NAA16: variants seen among roughly 807,000 people sequenced by gnomAD.
The protein encoded by NAA16 is N-alpha-acetyltransferase 16, NatA auxiliary subunit, also known as NARG1-like protein.
Under a neutral mutation model 110.3 loss-of-function variants are expected in NAA16, and 97 were observed. That is an observed-to-expected ratio of 0.88 (90% CI 0.75 to 1.04). NAA16 has a LOEUF of 1.04. Among genes scored for constraint, NAA16 ranks in the 50% least tolerant of loss-of-function variants. The probability of loss-of-function intolerance (pLI) is 0.00; values close to 1 mark genes in which losing one functional copy is unlikely to be tolerated. For missense variants in NAA16, 1,017 were observed against 1,005.1 expected (o/e 1.01, Z -0.16); for synonymous variants, 372 against 330.6 (o/e 1.13, Z -1.36).
In NAA16 at chr13:41,336,642, G is replaced by C. The variant is rs1268929120; in HGVS notation, c.908-8G>C. 2.0e-6 allele frequency: 3 copies of C among 1,505,138 alleles called. No individual in the cohort carries two copies. Among genetic ancestry groups the C allele is most frequent in the East Asian group, 2.3e-5 (1 of 43,522 alleles). 93.2% of individuals were successfully genotyped at this position (1,505,138 alleles called of 1,614,324 possible). A position where few individuals can be genotyped will look rare whatever the true frequency, so the allele number is the denominator to read the frequency against. ...CCAAAGAATAACAAAGTACGCTTTT[G>C]TTTCTAGGTGAAAGATTTAGAGAAC... is the stretch of plus-strand genomic sequence containing the variant. On this transcript the variant is annotated splice_polypyrimidine_tract_variant and splice_region_variant and intron_variant, in intron 8 of 19. Transcript: ENST00000379406.
chr13:41,374,773 A>C lies in NAA16; in HGVS notation c.2331A>C (p.Ser777=). The C allele has an allele frequency of 6.2e-7, 1 of 1,612,790 alleles. No homozygotes were observed. Among genetic ancestry groups the C allele is most frequent in the Non-Finnish European group, 8.5e-7 (1 of 1,179,200 alleles). Reference sequence around the variant, plus strand: ...AAATGATGTATTTTCTGGACAAGTCAAGGCAGGAGAAAGCAATTGCTATAG... The same window carrying C: ...AAATGATGTATTTTCTGGACAAGTCCAGGCAGGAGAAAGCAATTGCTATAG... ...GAKMMYFLDK[S]RQEKAIAIAT... Residue 777 remains serine (S), a synonymous_variant, in exon 19 of 20, where the codon TCA becomes TCC. Transcript: ENST00000379406.
At chr13:41,359,429 C>T (rs1160536361) in intron 12 of NAA16, among the ~76,000 whole-genome samples, 1 of 152,148 alleles carries the variant, frequency 6.6e-6, no homozygotes, top group African/African-American at 2.4e-5. Context: ...ATCCCTTTTC[C>T]CTCCTTCACC....
rs771579911 is a variant in NAA16 at position 41,362,215 on chromosome 13, A to G, written c.1539+56A>G. On this transcript the variant is annotated intron_variant, in intron 13 of 19. Transcript: ENST00000379406. ...CACTGTAAGGTGATAAAAAGCAGGT[A>G]GATTTCTACACAGGATCATCTGCCT... 9.8e-6 allele frequency: 15 copies of G among 1,535,420 alleles called. No homozygotes were observed. The African/African-American group carries it at 2.0e-4, about 20-fold the overall frequency.
chr13:41,323,203 A>G lies in NAA16; in HGVS notation c.537+13A>G. ...ACAAACTCAGCAAGTAAGAATTTTA[A>G]TGTTTCCTTCTACCTTCATAAATGG... On this transcript the variant is annotated intron_variant, in intron 5 of 19. Transcript: ENST00000379406. 1 of 1,612,658 alleles carries G rather than the reference A, an allele frequency of 6.2e-7. No homozygotes were observed. The highest frequency in any genetic ancestry group is 1.7e-4 in the Middle Eastern group (1 of 6,060).
rs1397714388 is a variant in NAA16, at chr13:41,375,699, T to C, written c.*97T>C. ...TTTAATATACGTATGAAATGAAATATTTGGTTAGGATTTTTAAATGGCATA... is the reference window on the plus strand; with the variant it reads ...TTTAATATACGTATGAAATGAAATACTTGGTTAGGATTTTTAAATGGCATA... On this transcript the variant is annotated 3_prime_UTR_variant, in exon 20 of 20. Coordinates refer to ENST00000379406, the MANE Select transcript of NAA16 (RefSeq NM_024561.5). 1.0e-4 allele frequency: 98 copies of C among 934,964 alleles called. No homozygotes were observed. The highest frequency in any genetic ancestry group is 4.7e-6 in the Non-Finnish European group (3 of 634,720). The allele number at this position is 934,964 out of a possible 1,614,324, so 57.9% of individuals were successfully genotyped here.
intron 5 of NAA16, 70 bp from the exon 6 acceptor site, chr13:41,325,628 A>G: frequency 1.0e-6 from 1 of 957,558 alleles, no homozygotes; most frequent in Non-Finnish European, 1.5e-6. Flanking sequence ...CTGAGAAGGC[A>G]GTTTAATTAA....
intron 10 of NAA16, 108 bp downstream of exon 10, chr13:41,355,324 A>C (rs999226196): frequency 1.6e-6 from 1 of 627,284 alleles, no homozygotes; most frequent in African/African-American, 1.9e-5. Context: ...GCTACTTAAT[A>C]AATGGCTTTC....
At chr13:41,356,168 T>C (rs1441208079) in intron 10 of NAA16, among the ~76,000 whole-genome samples, 1 of 151,904 alleles carries the variant, frequency 6.6e-6, no homozygotes, top group Non-Finnish European at 1.5e-5. Flanking sequence ...TGTGTGTGTG[T>C]GTGCATACGC....
rs1405552377 is a variant in NAA16 at position 41,362,139 on chromosome 13, A to C, written c.1519A>C (p.Lys507Gln). 1 of 1,605,888 alleles carries C rather than the reference A, an allele frequency of 6.2e-7. No homozygotes were observed. Among genetic ancestry groups the C allele is most frequent in the Non-Finnish European group, 8.5e-7 (1 of 1,177,304 alleles). The stretch of plus-strand genomic sequence containing the variant: ...GGGGAGATACGGGGATGCCTTGAAA[A>C]AATGTCATGAAGTAGAAAGGGTAAG... ...RLGRYGDALKKCHEVERHFFE... is the reference protein window; with the variant it reads ...RLGRYGDALKQCHEVERHFFE... Residue 507 changes from lysine to glutamine, a missense_variant, in exon 13 of 20, where the codon AAA becomes CAA. Transcript: ENST00000379406.
chr13:41,373,929 T>G, intron 18 of NAA16, 149 bp downstream of exon 18: 1 of 1,259,578 alleles, frequency 7.9e-7, no homozygotes, highest in Non-Finnish European at 1.0e-6. Context: ...TGTTCAATAA[T>G]AGGGGAAACA....
rs778140884 is a variant in NAA16, at chr13:41,372,728, A to G, written c.2057-4A>G. 2.5e-6 allele frequency: 4 copies of G among 1,587,222 alleles called. No homozygotes were observed. Among genetic ancestry groups the G allele is most frequent in the Non-Finnish European group, 3.4e-6 (4 of 1,164,922 alleles). ...CTATTACTTTTGTATTTTTTCTGAC[A>G]CAGGAAAGTTTCTGTTAATGCTGCA... On this transcript the variant is annotated splice_region_variant and splice_polypyrimidine_tract_variant and intron_variant, in intron 16 of 19. Coordinates refer to ENST00000379406, the MANE Select transcript of NAA16 (RefSeq NM_024561.5).
chr13:41,311,430 G>C lies in NAA16; in HGVS notation c.-99G>C. On this transcript the variant is annotated 5_prime_UTR_variant, in exon 1 of 20. Transcript: ENST00000379406. The stretch of plus-strand genomic sequence containing the variant: ...TGAACTAATCCATCGCCCGCAGCCC[G>C]ACTCTCAGCAGCGGTTCGTCCCGGT... 8.5e-7 allele frequency: 1 copy of C among 1,178,770 alleles called. No homozygotes were observed. The highest frequency in any genetic ancestry group is 1.2e-6 in the Non-Finnish European group (1 of 818,726). The allele number at this position is 1,178,770 out of a possible 1,614,324, so 73.0% of individuals were successfully genotyped here.
At chr13:41,368,151 T>C (rs1014715227) in intron 14 of NAA16, among the ~76,000 whole-genome samples, 11 of 152,182 alleles carry the variant, frequency 7.2e-5, no homozygotes, top group African/African-American at 2.7e-4. Context: ...GGAAAAAATA[T>C]ATAATCTTAA....
At chr13:41,324,185 CT>C (rs1231521497) in intron 5 of NAA16, among the ~76,000 whole-genome samples, 3 of 151,958 alleles carry the variant, frequency 2.0e-5, no homozygotes, top group Non-Finnish European at 2.9e-5. Flanking sequence ...AGGTTTTTAG[CT>C]TTTTACGTCA....
intron 8 of NAA16, among the ~76,000 whole-genome samples, chr13:41,334,139 C>T (rs927146940): frequency 6.6e-6 from 1 of 152,056 alleles, no homozygotes; most frequent in Non-Finnish European, 1.5e-5. Flanking sequence ...AATTAGAAAG[C>T]CGTCTTGGCA....
At chr13:41,329,947 C>T (rs2042191182) in intron 7 of NAA16, among the ~76,000 whole-genome samples, 1 of 151,940 alleles carries the variant, frequency 6.6e-6, no homozygotes, top group East Asian at 1.9e-4. Context: ...ACCTTTCCTT[C>T]CCCGTGGTAA....
chr13:41,320,793 A>G lies in NAA16; in HGVS notation c.371A>G (p.Gln124Arg), dbSNP rs758184433. 1 of 1,611,888 alleles carries G rather than the reference A, an allele frequency of 6.2e-7. No individual in the cohort carries two copies. Among genetic ancestry groups the G allele is most frequent in the East Asian group, 2.2e-5 (1 of 44,826 alleles). The stretch of plus-strand genomic sequence containing the variant: ...ATTTTGAGGGATCTCTCACTGTTGC[A>G]GATCCAAATGAGAGACCTTGAAGGT... ...LQILRDLSLL[Q>R]IQMRDLEGYR... The change falls in exon 4 of 20, where the codon CAG (glutamine) becomes CGG (arginine). Residue 124 changes from glutamine to arginine, a missense_variant. Gln to Arg is a conservative substitution (Grantham distance 43). Coordinates refer to ENST00000379406, the MANE Select transcript of NAA16 (RefSeq NM_024561.5).
chr13:41,330,285 C>T (rs115373954), intron 7 of NAA16, among the ~76,000 whole-genome samples: 78 of 151,378 alleles, frequency 5.2e-4, no homozygotes, highest in African/African-American at 1.8e-3. Context: ...GGAAGGAATG[C>T]GTCTAAACGA....
rs1374707835 is a variant in NAA16, at chr13:41,329,795, TTAAAC to T, written c.811+955_811+959del. ...AACATGGGTTAACTACGATTTTTCT[TTAAAC>T]TAGTAACATTACGATTTATAAAAAT... On this transcript the variant is annotated intron_variant, in intron 7 of 19. Coordinates refer to ENST00000379406, the MANE Select transcript of NAA16 (RefSeq NM_024561.5). Among the ~76,000 whole-genome samples, 9 of 152,142 alleles carry T rather than the reference TTAAAC, an allele frequency of 5.9e-5. No homozygotes were observed. The South Asian group carries it at 6.2e-4, about 10-fold the overall frequency.
Sources: allele counts gnomAD v4.1 joint callset (sites outside exome capture counted in the v4.1 genomes callset), GRCh38; gene constraint gnomAD v4.1.1; transcripts MANE v1.5; gene names NCBI Gene and HGNC (gene_info 2026-07-23, HGNC 2026-07-21).